Variants in ARHGAP26 observed in about 807,000 individuals in gnomAD.
ARHGAP26 encodes Rho GTPase activating protein 26, also known as rho GTPase-activating protein 26.
Under a neutral mutation model 104.8 loss-of-function variants are expected in ARHGAP26, and 38 were observed. That is an observed-to-expected ratio of 0.36 (90% confidence interval 0.28 to 0.48). ARHGAP26 has a LOEUF of 0.48. ARHGAP26 is among the 20% of genes least tolerant of loss of function. The pLI is 0.99. For missense variants in ARHGAP26, 704 were observed against 947.9 expected (o/e 0.74, Z 3.38); for synonymous variants, 341 against 340.0 (o/e 1.00, Z -0.03).
chr5:142,793,804 T>G (rs1228689618), intron 1 of ARHGAP26, among the ~76,000 whole-genome samples: 1 of 152,106 alleles, frequency 6.6e-6, no homozygotes, highest in Non-Finnish European at 1.5e-5. Context: ...GCCAGGCTGG[T>G]CTTGAACTCC....
rs57462040 is a variant in ARHGAP26, at chr5:143,193,240, C to CTTTTTTTTTTTTTT, written c.1989-13946_1989-13933dup. ...GGTATTACAGTGCTTATTTTCTTTT[C>CTTTTTTTTTTTTTT]TTTTTTTTTTTTTTTTTTTTTTTTT... On this transcript the variant is annotated intron_variant, in intron 20 of 22. Coordinates refer to ENST00000645722, the MANE Select transcript of ARHGAP26 (RefSeq NM_001135608.3). Among the ~76,000 whole-genome samples, 64 of 74,588 alleles carry CTTTTTTTTTTTTTT rather than the reference C, an allele frequency of 8.6e-4. 1 individual carries two copies. The highest frequency in any genetic ancestry group is 1.5e-3 in the African/African-American group (26 of 16,928). The allele number at this position is 74,588 out of a possible 152,430, so 48.9% of individuals were successfully genotyped here. A position where few individuals can be genotyped will look rare whatever the true frequency, so the allele number is the denominator to read the frequency against.
chr5:143,060,841 C>A (rs1210042115), intron 17 of ARHGAP26, among the ~76,000 whole-genome samples: 2 of 151,716 alleles, frequency 1.3e-5, no homozygotes, highest in African/African-American at 4.9e-5. Context: ...AGAGAATGGG[C>A]CATATGCAAG....
Position 142,813,838 on chromosome 5 carries a change from T to G in ARHGAP26, c.154+42923T>G, listed in dbSNP as rs189571636. ...CTTCAACATAGGAATTTTAGGGGCC[T>G]CAATTCAGCCCTTGACAGTGTGGTT... On this transcript the variant is annotated intron_variant, in intron 1 of 22. Transcript: ENST00000645722. Among the ~76,000 whole-genome samples the G allele has an allele frequency of 4.0e-3, 615 of 152,048 alleles. 6 individuals carry two copies. Among genetic ancestry groups the G allele is most frequent in the African/African-American group, 0.014 (593 of 41,438 alleles).
chr5:142,927,027 T>G (rs200208993), intron 10 of ARHGAP26, among the ~76,000 whole-genome samples: 8 of 152,118 alleles, frequency 5.3e-5, no homozygotes, highest in Non-Finnish European at 1.0e-4. Flanking sequence ...CTTTAAAACA[T>G]AGGTAATAAG....
chr5:143,055,410 G>A (rs1454625282), intron 15 of ARHGAP26, among the ~76,000 whole-genome samples: 2 of 152,122 alleles, frequency 1.3e-5, no homozygotes, highest in Non-Finnish European at 2.9e-5. Flanking sequence ...GACCCAATGA[G>A]AATAAAATCT....
chr5:143,216,246 C>T (rs1810336155), intron 22 of ARHGAP26: 1 of 471,214 alleles, frequency 2.1e-6, no homozygotes. Context: ...CCGGGCACCT[C>T]CACCTCTCAC....
chr5:142,982,933 A>G (rs921635039), intron 11 of ARHGAP26, among the ~76,000 whole-genome samples: 2 of 152,164 alleles, frequency 1.3e-5, no homozygotes, highest in South Asian at 4.1e-4. Flanking sequence ...GCAGCTGTCC[A>G]AGTTGCCTGT....
chr5:143,049,525 G>A (rs1041401087), intron 14 of ARHGAP26, among the ~76,000 whole-genome samples: 2 of 152,128 alleles, frequency 1.3e-5, no homozygotes, highest in Non-Finnish European at 2.9e-5. Flanking sequence ...TTATATGACA[G>A]AGCTGGTGTT....
At chr5:142,992,495 G>A (rs570541505) in intron 11 of ARHGAP26, among the ~76,000 whole-genome samples, 7 of 151,146 alleles carry the variant, frequency 4.6e-5, no homozygotes, top group East Asian at 1.9e-4. Flanking sequence ...GTGCAGTGGC[G>A]TAATCTCTGC....
At chr5:142,949,210 A>AGGAGAGAG (rs1562136793) in intron 11 of ARHGAP26, among the ~76,000 whole-genome samples, 13 of 63,134 alleles carry the variant, frequency 2.1e-4, no homozygotes, top group East Asian at 1.9e-3. Context: ...AGAGAGAGAG[A>AGGAGAGAG]GAGAGAGAGA....
chr5:142,797,388 A>G (rs947385688), intron 1 of ARHGAP26, among the ~76,000 whole-genome samples: 1 of 152,222 alleles, frequency 6.6e-6, no homozygotes, highest in African/African-American at 2.4e-5. Context: ...TCATTTTTCA[A>G]GTGGGCAACA....
intron 12 of ARHGAP26, among the ~76,000 whole-genome samples, chr5:143,021,643 C>T (rs1780351154): frequency 1.3e-5 from 2 of 152,184 alleles, no homozygotes; most frequent in Non-Finnish European, 2.9e-5. Flanking sequence ...TCCATTTCCT[C>T]TTCTGTAAAA....
chr5:143,099,182 C>G, intron 17 of ARHGAP26, among the ~76,000 whole-genome samples: 1 of 152,316 alleles, frequency 6.6e-6, no homozygotes, highest in Non-Finnish European at 1.5e-5. Flanking sequence ...AGTTTGATAT[C>G]TATCTTTGCA....
At chr5:143,089,967 C>A (rs1383974779) in intron 17 of ARHGAP26, among the ~76,000 whole-genome samples, 1 of 152,202 alleles carries the variant, frequency 6.6e-6, no homozygotes, top group Non-Finnish European at 1.5e-5. Flanking sequence ...GGCAGAGTGT[C>A]CAGTAAAGGT....
chr5:142,894,267 G>A lies in ARHGAP26; in HGVS notation c.516G>A (p.Gln172=). ...EADSQVDLVR[Q]HFYEVSLEYV... is the part of the protein sequence containing the mutation. ...ACAGCCAAGTGGACCTGGTCCGGCA[G>A]CATTTCTATGAAGTATCCCTGGAAT... The change falls in exon 6 of 23, where the codon CAG becomes CAA. Residue 172 remains glutamine, a synonymous_variant. Coordinates refer to ENST00000645722, the MANE Select transcript of ARHGAP26 (RefSeq NM_001135608.3). 2 of 1,614,010 alleles carry A rather than the reference G, an allele frequency of 1.2e-6. No homozygotes were observed. Among genetic ancestry groups the A allele is most frequent in the South Asian group, 1.1e-5 (1 of 91,074 alleles).
At chr5:143,053,933 G>A (rs530965536) in intron 14 of ARHGAP26, among the ~76,000 whole-genome samples, 113 of 152,108 alleles carry the variant, frequency 7.4e-4, no homozygotes, top group African/African-American at 2.1e-3. Context: ...CATATAAATC[G>A]GCGAGGTAAT....
At chr5:143,066,329 A>G (rs1315083681) in intron 17 of ARHGAP26, among the ~76,000 whole-genome samples, 1 of 152,232 alleles carries the variant, frequency 6.6e-6, no homozygotes, top group Non-Finnish European at 1.5e-5. Flanking sequence ...AAATTGCCTA[A>G]TGACATATTT....
chr5:143,150,275 G>A (rs191726233), intron 20 of ARHGAP26, among the ~76,000 whole-genome samples: 1 of 152,212 alleles, frequency 6.6e-6, no homozygotes, highest in Non-Finnish European at 1.5e-5. Flanking sequence ...TGCATGCCAA[G>A]CTACCTGGGG....
chr5:143,140,338 T>G (rs79042882), intron 19 of ARHGAP26, among the ~76,000 whole-genome samples: 1 of 152,184 alleles, frequency 6.6e-6, no homozygotes. Context: ...CAGACTGAGA[T>G]GTTTTAATGT....
Sources: gnomAD v4.1 joint callset for allele counts (sites outside exome capture counted in the v4.1 genomes callset) on GRCh38, gnomAD v4.1.1 for gene constraint, MANE v1.5 for transcripts, NCBI Gene and HGNC (gene_info 2026-07-23, HGNC 2026-07-21) for gene names.